Variants in PDE4D observed in about 807,000 individuals in gnomAD.
PDE4D encodes phosphodiesterase 4D.
In PDE4D, 24 loss-of-function variants were observed where a neutral mutation model predicts 87.4. The ratio of observed to expected loss-of-function variants is 0.27; its 90% CI spans 0.20 to 0.39. The LOEUF is 0.39. Among genes scored for constraint, PDE4D ranks in the 10% least tolerant of loss-of-function variants. The pLI, the probability that PDE4D is intolerant of heterozygous loss-of-function variation, is 1.00. For synonymous variants in PDE4D, 384 were observed against 383.2 expected, an observed-to-expected ratio of 1.00 and a Z score of -0.02; for missense variants, 714 against 1,041.0, an observed-to-expected ratio of 0.69 and a Z score of 4.32.
At chr5:60,292,613 T>C (rs914425814) in intron 1 of PDE4D, among the ~76,000 whole-genome samples, 52 of 152,242 alleles carry the variant, frequency 3.4e-4, no homozygotes, top group African/African-American at 1.2e-3. Context: ...ACTTTTGCAG[T>C]GAAGAGTTAT....
intron 1 of PDE4D, among the ~76,000 whole-genome samples, chr5:60,213,699 C>A (rs1743516992): frequency 6.6e-6 from 1 of 152,118 alleles, no homozygotes; most frequent in Non-Finnish European, 1.5e-5. Context: ...GTAGCCTTGG[C>A]TGCTGCGTTT....
chr5:59,397,752 GA>G (rs997697836), intron 1 of PDE4D, among the ~76,000 whole-genome samples: 3 of 117,994 alleles, frequency 2.5e-5, no homozygotes, highest in African/African-American at 6.9e-5. Context: ...GAAGGAAATA[GA>G]GACACAAAAA....
At chr5:60,061,409 C>T (rs1771388722) in intron 2 of PDE4D, among the ~76,000 whole-genome samples, 1 of 152,102 alleles carries the variant, frequency 6.6e-6, no homozygotes, top group African/African-American at 2.4e-5. Context: ...GAACTACAAA[C>T]CACTGCTCAA....
intron 1 of PDE4D, among the ~76,000 whole-genome samples, chr5:59,486,785 G>A (rs193082249): frequency 5.3e-5 from 8 of 152,148 alleles, no homozygotes; most frequent in African/African-American, 9.6e-5. Flanking sequence ...CCTATGGAGC[G>A]TTAATGCATT....
chr5:59,394,519 A>C (rs1156576120), intron 1 of PDE4D, among the ~76,000 whole-genome samples: 2 of 152,222 alleles, frequency 1.3e-5, no homozygotes. Context: ...CAATTCCCTT[A>C]GTGATATATA....
At chr5:60,363,697 G>T (rs1760278882) in intron 1 of PDE4D, among the ~76,000 whole-genome samples, 2 of 152,198 alleles carry the variant, frequency 1.3e-5, no homozygotes, top group Admixed American at 1.3e-4. Flanking sequence ...CTCTAAGAAG[G>T]TCATATTTGA....
intron 1 of PDE4D, among the ~76,000 whole-genome samples, chr5:59,274,429 C>A (rs1581714152): frequency 6.6e-6 from 1 of 152,124 alleles, no homozygotes; most frequent in East Asian, 1.9e-4. Context: ...TGCCTGCTCA[C>A]ATGATAATGC....
At position 59,147,350 on chromosome 5, in the gene PDE4D, A is replaced by G. The variant is rs1778821265; in HGVS notation, c.808+33245T>C. ...GGGTAAAGGACAAAGGCTATATTTGAAAAGTAGAAAGGAAATACAAGAGTT... is the reference window on the plus strand; with the variant it reads ...GGGTAAAGGACAAAGGCTATATTTGGAAAGTAGAAAGGAAATACAAGAGTT... On this transcript the variant is annotated intron_variant, in intron 5 of 14. Transcript: ENST00000340635. Among the ~76,000 whole-genome samples, 4 of 152,226 alleles carry G rather than the reference A, an allele frequency of 2.6e-5. No homozygotes were observed. The South Asian group carries it at 8.3e-4, about 32-fold the overall frequency.
chr5:59,469,972 G>A (rs1802198976), intron 1 of PDE4D, among the ~76,000 whole-genome samples: 1 of 152,054 alleles, frequency 6.6e-6, no homozygotes, highest in Admixed American at 6.6e-5. Flanking sequence ...AAAGGCATTG[G>A]GCGACTTCGT....
In PDE4D at chr5:60,010,190, G is replaced by A. The variant is rs116077286; in HGVS notation, c.43-21473C>T. ...AATCCCATCTCTAATATACTGTTACGTATTTCCTCAAAGCCACTGGCAAGT... is the reference window on the plus strand; with the variant it reads ...AATCCCATCTCTAATATACTGTTACATATTTCCTCAAAGCCACTGGCAAGT... On this transcript the variant is annotated intron_variant, in intron 2 of 16. Coordinates refer to the PDE4D transcript ENST00000502484. 2.0e-3 allele frequency among the ~76,000 whole-genome samples: 309 copies of A among 152,138 alleles called. 1 individual carries two copies. Among genetic ancestry groups the A allele is most frequent in the African/African-American group, 7.2e-3 (297 of 41,532 alleles).
chr5:59,049,340 C>G (rs1761185974), intron 5 of PDE4D, among the ~76,000 whole-genome samples: 1 of 152,132 alleles, frequency 6.6e-6, no homozygotes, highest in Non-Finnish European at 1.5e-5. Context: ...AACAGTAATA[C>G]TGGCCTGGGT....
chr5:59,890,388 A>G (rs1284966034), intron 1 of PDE4D, among the ~76,000 whole-genome samples: 1 of 152,190 alleles, frequency 6.6e-6, no homozygotes, highest in African/African-American at 2.4e-5. Flanking sequence ...ATAAGTATTT[A>G]TATGCATTTT....
At chr5:60,355,315 T>C (rs376114219) in intron 1 of PDE4D, among the ~76,000 whole-genome samples, 10 of 152,202 alleles carry the variant, frequency 6.6e-5, no homozygotes, top group African/African-American at 2.2e-4. Context: ...CTAGTATTCA[T>C]AGGTAAATAT....
rs569025350 is a variant in PDE4D, at chr5:60,495,278, A to G, written n.70+26773T>C. Among the ~76,000 whole-genome samples, 3 of 152,350 alleles carry G rather than the reference A, an allele frequency of 2.0e-5. No individual in the cohort carries two copies. The East Asian group carries it at 5.8e-4, about 29-fold the overall frequency. On this transcript the variant is annotated intron_variant and non_coding_transcript_variant, in intron 1 of 2. Transcript: ENST00000506510. Reference sequence around the variant, plus strand: ...ACACAGAAATCAGAGGAGTGGAAAGAAAGCAGATTACACTGAGTCACAGTT... The same window carrying G: ...ACACAGAAATCAGAGGAGTGGAAAGGAAGCAGATTACACTGAGTCACAGTT...
At chr5:59,275,805 G>C in intron 1 of PDE4D, 3 of 987,596 alleles carry the variant, frequency 3.0e-6, no homozygotes, top group Non-Finnish European at 3.6e-6. Context: ...GAAGAGCGCA[G>C]GTAGAGAGAG....
At chr5:59,042,914 G>GA (rs1008128719) in intron 5 of PDE4D, among the ~76,000 whole-genome samples, 1 of 152,060 alleles carries the variant, frequency 6.6e-6, no homozygotes, top group African/African-American at 2.4e-5. Context: ...TTTGAAAAAG[G>GA]AAAAAAGTAA....
chr5:59,631,706 C>G (rs1225698862), intron 1 of PDE4D, among the ~76,000 whole-genome samples: 1 of 152,222 alleles, frequency 6.6e-6, no homozygotes, highest in African/African-American at 2.4e-5. Context: ...AGGAACGAAG[C>G]TACCCAGCCC....
At chr5:59,688,622 G>T (rs1309999655) in intron 1 of PDE4D, among the ~76,000 whole-genome samples, 1 of 152,212 alleles carries the variant, frequency 6.6e-6, no homozygotes, top group Non-Finnish European at 1.5e-5. Flanking sequence ...AAGCAGGAAA[G>T]ATCTAAAATT....
intron 1 of PDE4D, among the ~76,000 whole-genome samples, chr5:59,447,445 G>A (rs1384945997): frequency 6.6e-6 from 1 of 152,172 alleles, no homozygotes; most frequent in East Asian, 1.9e-4. Context: ...ACACACTTGG[G>A]TCTCATGGAT....
Sources: gnomAD v4.1 joint callset for allele counts (sites outside exome capture counted in the v4.1 genomes callset) on GRCh38, gnomAD v4.1.1 for gene constraint, MANE v1.5 for transcripts, NCBI Gene and HGNC (gene_info 2026-07-23, HGNC 2026-07-21) for gene names.